Variants in CEP350 observed in about 807,000 individuals in gnomAD.
The protein encoded by CEP350 is centrosomal protein 350, also known as centrosome-associated protein 350.
In CEP350, 126 loss-of-function variants were observed where a neutral mutation model predicts 331.8. That is an observed-to-expected ratio of 0.38 (90% confidence interval 0.33 to 0.44). The LOEUF is 0.44. Among genes scored for constraint, CEP350 ranks in the 20% least tolerant of loss-of-function variants. The probability of loss-of-function intolerance (pLI) is 1.00; values close to 1 mark genes in which losing one functional copy is unlikely to be tolerated. For synonymous variants in CEP350, 1,200 were observed against 1,259.5 expected (o/e 0.95, Z 1.00); for missense variants, 3,406 against 3,634.6 (o/e 0.94, Z 1.62).
intron 1 of CEP350, among the ~76,000 whole-genome samples, chr1:179,982,754 G>T (rs1005197441): frequency 3.9e-5 from 6 of 152,132 alleles, no homozygotes; most frequent in African/African-American, 1.4e-4. Context: ...TAATTTTTCA[G>T]TTGGCTAGAT....
At chr1:180,069,926 C>A (rs1421960881) in intron 27 of CEP350, among the ~76,000 whole-genome samples, 1 of 152,110 alleles carries the variant, frequency 6.6e-6, no homozygotes, top group Non-Finnish European at 1.5e-5. Context: ...GCTAGGTAGT[C>A]TCACTAGTTT....
chr1:179,973,294 A>G (rs1007433905), intron 1 of CEP350, among the ~76,000 whole-genome samples: 1 of 152,202 alleles, frequency 6.6e-6, no homozygotes, highest in African/African-American at 2.4e-5. Flanking sequence ...AAGAAACACT[A>G]ACATTTTTTG....
rs745452548 is a variant in CEP350 at position 180,048,567 on chromosome 1, C to G, written c.4654C>G (p.Pro1552Ala). The change falls in exon 22 of 38, where the codon CCT becomes GCT. Residue 1552 changes from proline (P) to alanine (A), a missense_variant. Transcript: ENST00000367607. ...SSSGSSRQES[P>A]SVPSCKENEK... The stretch of plus-strand genomic sequence containing the variant: ...CAGTGGTAGCAGCCGCCAAGAAAGT[C>G]CTTCAGTTCCATCTTGTAAGGAAAA... The G allele has an allele frequency of 1.9e-6, 3 of 1,607,280 alleles. No homozygotes were observed. Among genetic ancestry groups the G allele is most frequent in the African/African-American group, 2.7e-5 (2 of 74,786 alleles).
intron 14 of CEP350, among the ~76,000 whole-genome samples, chr1:180,026,005 T>C (rs1321556778): frequency 6.6e-6 from 1 of 152,162 alleles, no homozygotes; most frequent in Non-Finnish European, 1.5e-5. Context: ...TCAATGAATA[T>C]AGAAACCTAT....
intron 34 of CEP350, 105 bp downstream of exon 34, chr1:180,094,721 GT>G (rs1173792445): frequency 2.1e-5 from 26 of 1,242,610 alleles, no homozygotes; most frequent in South Asian, 5.0e-5. Flanking sequence ...CTCCTGATAG[GT>G]TTTTTTTCCC....
intron 27 of CEP350, among the ~76,000 whole-genome samples, chr1:180,074,173 ATG>A (rs1558142261): frequency 6.6e-6 from 1 of 152,114 alleles, no homozygotes; most frequent in Non-Finnish European, 1.5e-5. Flanking sequence ...ACCACTATAG[ATG>A]TAACACTAGT....
chr1:180,004,898 G>T (rs28558408), intron 7 of CEP350, among the ~76,000 whole-genome samples: 78,276 of 120,088 alleles, frequency 0.65, 24,304 homozygotes, highest in East Asian at 0.75. Flanking sequence ...TTGCTTGCTT[G>T]CTTGCTTGCT....
intron 25 of CEP350, among the ~76,000 whole-genome samples, chr1:180,060,063 G>C (rs1414297063): frequency 6.6e-6 from 1 of 151,768 alleles, no homozygotes; most frequent in East Asian, 1.9e-4. Flanking sequence ...TTTTGTTTTG[G>C]AAAATATAGT....
In CEP350 at chr1:180,112,610, G is replaced by A. The variant is rs542818628; in HGVS notation, c.*1449G>A. The stretch of plus-strand genomic sequence containing the variant: ...ATCTAGAAGAATGTGGATACTCTTA[G>A]GCGTGAATGTAAATGCCTTAATATT... On this transcript the variant is annotated 3_prime_UTR_variant, in exon 38 of 38. Transcript: ENST00000367607. The A allele has an allele frequency of 6.5e-6, 1 of 152,720 alleles. No individual in the cohort carries two copies. The highest frequency in any genetic ancestry group is 2.1e-4 in the South Asian group (1 of 4,828). The allele number at this position is 152,720 out of a possible 1,614,324, so 9.5% of individuals were successfully genotyped here. A position where few individuals can be genotyped will look rare whatever the true frequency, so the allele number is the denominator to read the frequency against.
Position 180,020,350 on chromosome 1 carries a change from C to G in CEP350, c.2576C>G (p.Thr859Ser). 6.2e-7 allele frequency: 1 copy of G among 1,613,808 alleles called. No individual in the cohort carries two copies. The highest frequency in any genetic ancestry group is 8.5e-7 in the Non-Finnish European group (1 of 1,179,896). The change falls in exon 12 of 38, where the codon ACT (threonine) becomes AGT (serine). Residue 859 changes from threonine (T) to serine (S), a missense_variant. Coordinates refer to ENST00000367607, the MANE Select transcript of CEP350 (RefSeq NM_014810.5). ...ASINYGSAWN[T>S]EYDVQQAPQE... is the part of the protein sequence containing the mutation. ...ATTAACTATGGGTCAGCATGGAACA[C>G]TGAGTATGATGTGCAGCAGGCACCT...
intron 25 of CEP350, among the ~76,000 whole-genome samples, chr1:180,055,654 C>G (rs1423455904): frequency 7.0e-6 from 1 of 143,026 alleles, no homozygotes; most frequent in South Asian, 2.2e-4. Context: ...AGGCGCCATT[C>G]TCCTGCCTCA....
Position 179,955,222 on chromosome 1 carries a change from G to C in CEP350, c.-14+80G>C, listed in dbSNP as rs796255945. 36 of 1,172,604 alleles carry C rather than the reference G, an allele frequency of 3.1e-5. No homozygotes were observed. In the African/African-American group the frequency reaches 5.9e-4, roughly 19 times the overall value. The allele number at this position is 1,172,604 out of a possible 1,614,324, so 72.6% of individuals were successfully genotyped here. A position where few individuals can be genotyped will look rare whatever the true frequency, so the allele number is the denominator to read the frequency against. On this transcript the variant is annotated intron_variant, in intron 1 of 37. Transcript: ENST00000367607. ...TCTCTGTCCGCGGTCCCGGGTCCCC[G>C]GTGGCGGCAAGAGAGGCGGGGCCGG... is the stretch of plus-strand genomic sequence containing the variant.
Position 180,052,996 on chromosome 1 carries a change from T to C in CEP350, c.4819T>C (p.Ser1607Pro). 3 of 1,405,732 alleles carry C rather than the reference T, an allele frequency of 2.1e-6. No homozygotes were observed. Among genetic ancestry groups the C allele is most frequent in the South Asian group, 1.2e-5 (1 of 82,542 alleles). The allele number at this position is 1,405,732 out of a possible 1,614,324, so 87.1% of individuals were successfully genotyped here. A position where few individuals can be genotyped will look rare whatever the true frequency, so the allele number is the denominator to read the frequency against. Reference protein sequence around the residue: ...KDSTSIATEYSLKFDESMTED... With the variant: ...KDSTSIATEYPLKFDESMTED... ...CTCAACGTCTATTGCAACAGAATAT[T>C]CTCTGAAATTTGATGAATCCATGAC... Residue 1607 changes from serine (S) to proline (P), a missense_variant, in exon 23 of 38, where the codon TCT (serine) becomes CCT (proline). By Grantham distance (74) the Ser-to-Pro change is moderately conservative. This residue lies in a region of CEP350 where 1,857 missense variants were observed against 1,909.2 expected (regional missense o/e 0.97). Transcript: ENST00000367607.
intron 17 of CEP350, among the ~76,000 whole-genome samples, chr1:180,039,326 A>G (rs1656599334): frequency 1.3e-5 from 2 of 151,340 alleles, no homozygotes; most frequent in South Asian, 4.2e-4. Context: ...ATAGGAGGGA[A>G]CGGAAAGAAA....
intron 21 of CEP350, among the ~76,000 whole-genome samples, chr1:180,044,851 A>G (rs1349314291): frequency 1.3e-5 from 2 of 151,368 alleles, no homozygotes; most frequent in African/African-American, 4.8e-5. Flanking sequence ...AAAAAAAAAG[A>G]ATAATTAAAC....
At position 180,087,624 on chromosome 1, in the gene CEP350, A is replaced by T; in HGVS notation, c.6332A>T (p.Asp2111Val). Residue 2111 changes from aspartate to valine, a missense_variant, in exon 32 of 38, where the codon GAT becomes GTT. Around this residue, in one of 5 missense-constraint regions of CEP350, gnomAD observed 1,415 missense variants for 1,512.3 expected, o/e 0.94. Coordinates refer to ENST00000367607, the MANE Select transcript of CEP350 (RefSeq NM_014810.5). ...AAAACTGAAGCCGAGCTTAGCCAAG[A>T]TTTGGAAACATCACCAACAGCCAAG... ...IKKTEAELSQ[D>V]LETSPTAKPQ... is the part of the protein sequence containing the mutation. 6.4e-7 allele frequency: 1 copy of T among 1,552,908 alleles called. No homozygotes were observed. The highest frequency in any genetic ancestry group is 1.4e-5 in the African/African-American group (1 of 73,372).
intron 31 of CEP350, among the ~76,000 whole-genome samples, chr1:180,086,636 A>G (rs955437656): frequency 5.9e-5 from 9 of 152,166 alleles, no homozygotes; most frequent in Non-Finnish European, 4.4e-5. Context: ...CTGCACTCAT[A>G]TATGTATAGC....
chr1:179,987,330 C>T, intron 3 of CEP350, 44 bp downstream of exon 3: 1 of 1,119,768 alleles, frequency 8.9e-7, no homozygotes, highest in Non-Finnish European at 1.3e-6. Context: ...GGATTAAAAT[C>T]AATTTCCTGT....
At chr1:180,066,911 T>C (rs2149029164) in intron 27 of CEP350, among the ~76,000 whole-genome samples, 1 of 152,100 alleles carries the variant, frequency 6.6e-6, no homozygotes, top group Middle Eastern at 3.4e-3. Flanking sequence ...CTTTGAATGG[T>C]AAATGTTGGG....
Sources: allele counts gnomAD v4.1 joint callset (sites outside exome capture counted in the v4.1 genomes callset), GRCh38; gene constraint gnomAD v4.1.1; regional missense constraint gnomAD v4.1.1; transcripts MANE v1.5; gene names NCBI Gene and HGNC (gene_info 2026-07-23, HGNC 2026-07-21).